The following LHPP variants were observed in gnomAD, a reference collection of about 807,000 sequenced individuals.
LHPP encodes the protein phospholysine phosphohistidine inorganic pyrophosphate phosphatase, also known as hLHPP.
Under a neutral mutation model 30.3 loss-of-function variants are expected in LHPP, and 24 were observed. The ratio of observed to expected loss-of-function variants is 0.79; its 90% CI spans 0.57 to 1.11. LHPP has a LOEUF of 1.11. Ranked by LOEUF, LHPP falls within the 50% of genes most tolerant of loss-of-function variation. LHPP has a pLI of 0.00. For synonymous variants in LHPP, 150 were observed against 157.1 expected (o/e 0.95, Z 0.34); for missense variants, 356 against 367.2 (o/e 0.97, Z 0.25).
In LHPP at chr10:124,496,017, G is replaced by A. The variant is rs1414016449; in HGVS notation, c.468-944G>A. 2.6e-5 allele frequency among the ~76,000 whole-genome samples: 4 copies of A among 152,170 alleles called. No individual in the cohort carries two copies. The highest frequency in any genetic ancestry group is 1.3e-4 in the Admixed American group (2 of 15,278). ...TTCTTCCCTCTCGTTTTCTGCATAC[G>A]TGCTTTCTCCACGTCTCCCATATCG... is the stretch of plus-strand genomic sequence containing the variant. On this transcript the variant is annotated intron_variant, in intron 3 of 6. Coordinates refer to ENST00000368842, the MANE Select transcript of LHPP (RefSeq NM_022126.4). This position sits in a 1 kb window ranked among gnomAD's most constrained non-coding sequence, Gnocchi z 4.3.
chr10:124,502,356 C>T (rs1009988838), intron 5 of LHPP, among the ~76,000 whole-genome samples: 7 of 150,964 alleles, frequency 4.6e-5, no homozygotes, highest in African/African-American at 1.7e-4. Flanking sequence ...GCTATTTGTC[C>T]CTTTCAGTAA....
chr10:124,574,832 C>T (rs1263218560), intron 6 of LHPP, among the ~76,000 whole-genome samples: 1 of 152,150 alleles, frequency 6.6e-6, no homozygotes, highest in East Asian at 1.9e-4. Flanking sequence ...CCATCCCTTC[C>T]TGATCTTCCA....
chr10:124,543,079 C>T (rs56893990), intron 6 of LHPP, among the ~76,000 whole-genome samples: 2,581 of 152,200 alleles, frequency 0.017, 35 homozygotes, highest in Middle Eastern at 0.041. Flanking sequence ...GTGGGCCCAG[C>T]GGGTCCTCAG....
chr10:124,540,521 G>C (rs576174396), intron 6 of LHPP, among the ~76,000 whole-genome samples: 31 of 152,302 alleles, frequency 2.0e-4, no homozygotes, highest in Non-Finnish European at 4.0e-4. Context: ...GCACAGCCTC[G>C]TGCTCCTGGC....
At chr10:124,602,940 A>G (rs555175808) in intron 6 of LHPP, among the ~76,000 whole-genome samples, 81 of 152,344 alleles carry the variant, frequency 5.3e-4, no homozygotes, top group African/African-American at 1.8e-3. Context: ...TGGGGGGCAC[A>G]GGACCCCACC....
rs1564804982 is a variant in LHPP at position 124,517,212 on chromosome 10, C to CGTCGGCGGTGCCCAGCGGT, written c.660_678dup (p.Gly227ArgfsTer22). 1 of 1,606,206 alleles carries CGTCGGCGGTGCCCAGCGGT rather than the reference C, an allele frequency of 6.2e-7. No homozygotes were observed. Among genetic ancestry groups the CGTCGGCGGTGCCCAGCGGT allele is most frequent in the Non-Finnish European group, 8.5e-7 (1 of 1,176,628 alleles). ...TGATTGGGGACGATATCGTGGGCGACGTCGGCGGTGCCCAGCGGTGTGGAA... is the reference window on the plus strand; with the variant it reads ...TGATTGGGGACGATATCGTGGGCGACGTCGGCGGTGCCCAGCGGTGTCGGCGGTGCCCAGCGGTGTGGAA... On this transcript the variant is annotated frameshift_variant, in exon 6 of 7. Transcript: ENST00000368842. LOFTEE classifies it high-confidence loss of function. The surrounding 1 kb of genome is among the most constrained non-coding windows in gnomAD (Gnocchi z 4.1).
At chr10:124,569,766 G>A (rs1353847761) in intron 6 of LHPP, among the ~76,000 whole-genome samples, 1 of 152,188 alleles carries the variant, frequency 6.6e-6, no homozygotes, top group African/African-American at 2.4e-5. Flanking sequence ...AGATGGGGTT[G>A]ATGAGTGTCA....
Position 124,488,498 on chromosome 10 carries a change from T to C in LHPP, c.390T>C (p.Phe130=). ...TAATTGCAGACGCAGGAGAAAGCTT[T>C]TCTTATCAAAACATGAATAACGCCT... The part of the protein sequence containing the change: ...CVVIADAGES[F]SYQNMNNAFQ... Residue 130 remains phenylalanine, a synonymous_variant, in exon 3 of 7, where the codon TTT becomes TTC. Coordinates refer to ENST00000368842, the MANE Select transcript of LHPP (RefSeq NM_022126.4). 1 of 1,614,014 alleles carries C rather than the reference T, an allele frequency of 6.2e-7. No individual in the cohort carries two copies. Among genetic ancestry groups the C allele is most frequent in the Non-Finnish European group, 8.5e-7 (1 of 1,179,988 alleles).
chr10:124,600,283 GT>G (rs1345010727), intron 6 of LHPP, among the ~76,000 whole-genome samples: 1 of 152,258 alleles, frequency 6.6e-6, no homozygotes, highest in Non-Finnish European at 1.5e-5. Flanking sequence ...TTTTGTTTCT[GT>G]TACTGGCACC....
At chr10:124,462,146 G>A (rs911791453) in intron 1 of LHPP, among the ~76,000 whole-genome samples, 159 bp downstream of exon 1, 1 of 152,118 alleles carries the variant, frequency 6.6e-6, no homozygotes, top group Non-Finnish European at 1.5e-5. Flanking sequence ...TGCTGACCAC[G>A]GACGACCCCA....
At chr10:124,604,485 A>T (rs1452755214) in intron 6 of LHPP, among the ~76,000 whole-genome samples, 1 of 152,198 alleles carries the variant, frequency 6.6e-6, no homozygotes, top group African/African-American at 2.4e-5. Flanking sequence ...AGCAGCCTTC[A>T]GAGAAGCTGC....
chr10:124,568,771 G>T (rs966653628), intron 6 of LHPP, among the ~76,000 whole-genome samples: 1 of 152,206 alleles, frequency 6.6e-6, no homozygotes, highest in Non-Finnish European at 1.5e-5. Flanking sequence ...CAGCTTTGGA[G>T]TGGTCACCCT....
At chr10:124,485,049 G>T (rs1953278762) in intron 2 of LHPP, among the ~76,000 whole-genome samples, 1 of 152,138 alleles carries the variant, frequency 6.6e-6, no homozygotes, top group Admixed American at 6.6e-5. Flanking sequence ...TTTACAAACT[G>T]CTAGGCAGAG....
intron 6 of LHPP, among the ~76,000 whole-genome samples, chr10:124,562,747 C>G (rs1053745688): frequency 6.6e-6 from 1 of 152,018 alleles, no homozygotes; most frequent in Non-Finnish European, 1.5e-5. Flanking sequence ...GCCTGGCCAA[C>G]ATGGCAAAAC....
intron 1 of LHPP, among the ~76,000 whole-genome samples, chr10:124,471,888 C>G (rs1952790780): frequency 6.7e-6 from 1 of 150,126 alleles, no homozygotes; most frequent in South Asian, 2.1e-4. Flanking sequence ...CCTGCCTCAG[C>G]CTACCCAGTA....
intron 6 of LHPP, among the ~76,000 whole-genome samples, chr10:124,586,411 C>T (rs1313324833): frequency 6.6e-6 from 1 of 152,180 alleles, no homozygotes; most frequent in African/African-American, 2.4e-5. Context: ...AGCCCTGCCC[C>T]AACATGTGAT....
At chr10:124,607,445 G>A (rs1949110058) in intron 6 of LHPP, among the ~76,000 whole-genome samples, 1 of 152,250 alleles carries the variant, frequency 6.6e-6, no homozygotes, top group Non-Finnish European at 1.5e-5. Context: ...GGGTGCTAAT[G>A]CAATCCTTTC....
At chr10:124,535,443 C>G (rs987621645) in intron 6 of LHPP, among the ~76,000 whole-genome samples, 1 of 152,152 alleles carries the variant, frequency 6.6e-6, no homozygotes, top group African/African-American at 2.4e-5. Flanking sequence ...GCTCTGTCAC[C>G]CAGGCTGGAG....
chr10:124,461,876 G>C lies in LHPP; in HGVS notation c.14G>C (p.Gly5Ala), dbSNP rs1952407330. 1 of 1,257,082 alleles carries C rather than the reference G, an allele frequency of 8.0e-7. No homozygotes were observed. 77.9% of individuals were successfully genotyped at this position (1,257,082 alleles called of 1,614,324 possible). Residue 5 changes from glycine (G) to alanine (A), a missense_variant, in exon 1 of 7, where the codon GGC becomes GCC. Gly to Ala is a moderately conservative substitution (Grantham distance 60). Coordinates refer to ENST00000368842, the MANE Select transcript of LHPP (RefSeq NM_022126.4). The stretch of plus-strand genomic sequence containing the variant: ...GGGCCGGGCGCCATGGCACCGTGGG[G>C]CAAGCGGCTGGCTGGCGTGCGCGGG... Reference protein sequence around the residue: MAPWGKRLAGVRGVL... With the variant: MAPWAKRLAGVRGVL...
Sources: allele counts gnomAD v4.1 joint callset (sites outside exome capture counted in the v4.1 genomes callset), GRCh38; gene constraint gnomAD v4.1.1; non-coding constraint Gnocchi (gnomAD v3.1); transcripts MANE v1.5; gene names NCBI Gene and HGNC (gene_info 2026-07-23, HGNC 2026-07-21).